The following IL7 variants were observed in gnomAD, a reference collection of about 807,000 sequenced individuals.
The protein encoded by IL7 is interleukin 7, also known as interleukin-7.
A neutral mutation model predicts 21.6 loss-of-function variants in IL7; 3 were observed. The ratio of observed to expected loss-of-function variants is 0.14; its 90% confidence interval spans 0.06 to 0.36. IL7 has a LOEUF of 0.36. Among genes scored for constraint, IL7 ranks in the 10% least tolerant of loss-of-function variants. The probability of loss-of-function intolerance (pLI) is 1.00; values close to 1 mark genes in which losing one functional copy is unlikely to be tolerated. For missense variants in IL7, 175 were observed against 200.2 expected, an observed-to-expected ratio of 0.87 and a Z score of 0.76; for synonymous variants, 62 against 68.1, an observed-to-expected ratio of 0.91 and a Z score of 0.44.
chr8:78,740,164 T>C (rs1811731527), intron 2 of IL7, 82 bp from the exon 3 acceptor site: 11 of 790,888 alleles, frequency 1.4e-5, no homozygotes, highest in Admixed American at 4.5e-5. Context: ...AATAATCTTA[T>C]AATATCTGAT....
intron 4 of IL7, among the ~76,000 whole-genome samples, chr8:78,676,510 C>T (rs1044101972): frequency 3.3e-5 from 5 of 151,944 alleles, no homozygotes; most frequent in African/African-American, 4.8e-5. Context: ...ATGTACCTTA[C>T]GTATTTTAAC....
At chr8:78,776,462 G>A (rs182857754) in intron 2 of IL7, among the ~76,000 whole-genome samples, 119 of 152,160 alleles carry the variant, frequency 7.8e-4, no homozygotes, top group Non-Finnish European at 1.3e-3. Flanking sequence ...CACAGAAGCT[G>A]AAATGTTGGA....
At chr8:78,729,547 A>T (rs533700581), downstream of IL7, among the ~76,000 whole-genome samples, 7 of 151,978 alleles carry the variant, frequency 4.6e-5, no homozygotes, top group Non-Finnish European at 7.4e-5. Context: ...AAGATTTTTC[A>T]TGGCAAAAAA....
chr8:78,713,288 AAATG>A (rs1472243208), downstream of IL7, among the ~76,000 whole-genome samples: 2 of 152,148 alleles, frequency 1.3e-5, no homozygotes, highest in Non-Finnish European at 2.9e-5. Context: ...TACTAAAAAT[AAATG>A]ACAGGTATTT....
chr8:78,749,967 A>C (rs1034869798), intron 2 of IL7, among the ~76,000 whole-genome samples: 5 of 152,066 alleles, frequency 3.3e-5, no homozygotes, highest in Admixed American at 1.3e-4. Flanking sequence ...CCAGGAGGTC[A>C]AGGCTGCAGT....
At chr8:78,781,101 T>C (rs995193920) in intron 2 of IL7, among the ~76,000 whole-genome samples, 1 of 152,150 alleles carries the variant, frequency 6.6e-6, no homozygotes, top group Non-Finnish European at 1.5e-5. Flanking sequence ...ATTTTGAGCC[T>C]ATATGTGTCT....
At chr8:78,792,788 G>C (rs1813736925) in intron 2 of IL7, among the ~76,000 whole-genome samples, 2 of 152,058 alleles carry the variant, frequency 1.3e-5, no homozygotes, top group Admixed American at 6.6e-5. Flanking sequence ...ACAAGCTTTG[G>C]TGAGAAAGTA....
intron 1 of IL7, among the ~76,000 whole-genome samples, chr8:78,799,889 T>C (rs1813993379): frequency 6.6e-6 from 1 of 152,002 alleles, no homozygotes; most frequent in Non-Finnish European, 1.5e-5. Flanking sequence ...CAATTGCTAA[T>C]TTAAAAAAAA....
chr8:78,769,152 C>G (rs1812864911), intron 2 of IL7, among the ~76,000 whole-genome samples: 1 of 151,744 alleles, frequency 6.6e-6, no homozygotes, highest in Non-Finnish European at 1.5e-5. Flanking sequence ...CTCACCACTC[C>G]TATTCAACAC....
At chr8:78,771,729 T>C (rs985557849) in intron 2 of IL7, among the ~76,000 whole-genome samples, 2 of 152,102 alleles carry the variant, frequency 1.3e-5, no homozygotes, top group African/African-American at 4.8e-5. Flanking sequence ...ACACAAATAC[T>C]TACACATGCT....
chr8:78,736,393 A>C (rs1811597151), intron 5 of IL7, 81 bp downstream of exon 5: 1 of 839,234 alleles, frequency 1.2e-6, no homozygotes, highest in Non-Finnish European at 1.9e-6. Context: ...ATAAGAAGGA[A>C]ACAATTCAAA....
At chr8:78,688,321 A>G (rs985730829) in intron 3 of IL7, among the ~76,000 whole-genome samples, 5 of 152,134 alleles carry the variant, frequency 3.3e-5, no homozygotes, top group African/African-American at 7.2e-5. Flanking sequence ...TTTGGGCTTT[A>G]GAAGTTTTTT....
In IL7 at chr8:78,695,582, A is replaced by G. The variant is rs377694013; in HGVS notation, n.215-9635T>C. ...TTTATAGACATAACTCTCGTAGTTT[A>G]ACAAATTTTTGTTAGAGCTTGTTTT... On this transcript the variant is annotated intron_variant and non_coding_transcript_variant, in intron 3 of 4. Transcript: ENST00000523959. Among the ~76,000 whole-genome samples, 377 of 152,320 alleles carry G rather than the reference A, an allele frequency of 2.5e-3. 3 individuals carry two copies. The highest frequency in any genetic ancestry group is 6.5e-3 in the Admixed American group (99 of 15,294).
intron 2 of IL7, among the ~76,000 whole-genome samples, chr8:78,781,735 T>G (rs1480812625): frequency 1.3e-5 from 2 of 152,194 alleles, no homozygotes; most frequent in African/African-American, 4.8e-5. Flanking sequence ...ACTGGGGCTC[T>G]CTGTACTTCC....
At chr8:78,702,336 G>A (rs1810630911) in intron 3 of IL7, among the ~76,000 whole-genome samples, 1 of 152,016 alleles carries the variant, frequency 6.6e-6, no homozygotes, top group African/African-American at 2.4e-5. Context: ...ATTTCTGATT[G>A]TGTTTATTTG....
chr8:78,701,527 CTA>C (rs907022849), intron 3 of IL7, among the ~76,000 whole-genome samples: 2 of 152,130 alleles, frequency 1.3e-5, no homozygotes, highest in Admixed American at 1.3e-4. Context: ...ACTTCCAAAA[CTA>C]TGTTGAATAG....
intron 2 of IL7, among the ~76,000 whole-genome samples, chr8:78,750,497 G>T (rs988340613): frequency 2.0e-5 from 3 of 152,090 alleles, no homozygotes. Context: ...TGGCCATGAG[G>T]TTGGAATTAT....
chr8:78,805,011 C>G lies in IL7; in HGVS notation c.-89G>C. The G allele has an allele frequency of 6.8e-7, 1 of 1,462,714 alleles. No individual in the cohort carries two copies. Among genetic ancestry groups the G allele is most frequent in the Non-Finnish European group, 9.3e-7 (1 of 1,070,388 alleles). The allele number at this position is 1,462,714 out of a possible 1,614,324, so 90.6% of individuals were successfully genotyped here. A position where few individuals can be genotyped will look rare whatever the true frequency, so the allele number is the denominator to read the frequency against. ...CCATAGTCACTCCCAGGACCCTGGT[C>G]TTCCGCGGAGTTGCCGAGTCTGTGT... is the stretch of plus-strand genomic sequence containing the variant. On this transcript the variant is annotated 5_prime_UTR_variant, in exon 1 of 6. Coordinates refer to ENST00000263851, the MANE Select transcript of IL7 (RefSeq NM_000880.4).
At chr8:78,691,703 T>A (rs904057757) in intron 3 of IL7, among the ~76,000 whole-genome samples, 1 of 152,154 alleles carries the variant, frequency 6.6e-6, no homozygotes, top group African/African-American at 2.4e-5. Context: ...TTTCTAGCTG[T>A]AATTCTTTGC....
Sources: allele counts gnomAD v4.1 joint callset (sites outside exome capture counted in the v4.1 genomes callset), GRCh38; gene constraint gnomAD v4.1.1; transcripts MANE v1.5; gene names NCBI Gene and HGNC (gene_info 2026-07-23, HGNC 2026-07-21).